Variants in PIM3 observed in about 807,000 individuals in gnomAD.
PIM3 encodes Pim-3 proto-oncogene, serine/threonine kinase.
A neutral mutation model predicts 27.5 loss-of-function variants in PIM3; 13 were observed. The ratio of observed to expected loss-of-function variants is 0.47; its 90% CI spans 0.31 to 0.75. The LOEUF (loss-of-function observed/expected upper bound fraction) is 0.75. PIM3 is among the 30% of genes least tolerant of loss of function. The pLI is 0.05. For synonymous variants in PIM3, 341 were observed against 221.1 expected (o/e 1.54, Z -4.81); for missense variants, 482 against 476.9 (o/e 1.01, Z -0.10).
At chr22:49,962,632 C>A in intron 4 of PIM3, 57 bp from the exon 5 acceptor site, 3 of 1,538,430 alleles carry the variant, frequency 2.0e-6, no homozygotes, top group Non-Finnish European at 2.6e-6. Flanking sequence ...GGGACCTCGC[C>A]GTCTGTTGAG....
rs1456591589 is a variant in PIM3 at position 49,960,805 on chromosome 22, G to A, written c.-143G>A. 2.7e-6 allele frequency: 1 copy of A among 367,474 alleles called. No homozygotes were observed. 22.8% of individuals were successfully genotyped at this position (367,474 alleles called of 1,614,324 possible). A position where few individuals can be genotyped will look rare whatever the true frequency, so the allele number is the denominator to read the frequency against. On this transcript the variant is annotated 5_prime_UTR_variant, in exon 1 of 6. Coordinates refer to ENST00000360612, the MANE Select transcript of PIM3 (RefSeq NM_001001852.4). ...CGCTCCGCCTGCTGCGCGTCTACGC[G>A]GTCCCCGCGGGCCTTCCGGGCCCAC...
chr22:49,962,303 G>T (rs1174087346), intron 4 of PIM3, among the ~76,000 whole-genome samples: 1 of 151,616 alleles, frequency 6.6e-6, no homozygotes, highest in Non-Finnish European at 1.5e-5. Context: ...CGGAGCTTGG[G>T]GAAGCCGGGG....
chr22:49,964,051 A>G lies in PIM3; in HGVS notation c.*924A>G, dbSNP rs576697812. The G allele has an allele frequency of 6.6e-6, 1 of 152,450 alleles. No homozygotes were observed. Among genetic ancestry groups the G allele is most frequent in the East Asian group, 1.9e-4 (1 of 5,320 alleles). 9.4% of individuals were successfully genotyped at this position (152,450 alleles called of 1,614,324 possible). A position where few individuals can be genotyped will look rare whatever the true frequency, so the allele number is the denominator to read the frequency against. On this transcript the variant is annotated 3_prime_UTR_variant, in exon 6 of 6. Coordinates refer to ENST00000360612, the MANE Select transcript of PIM3 (RefSeq NM_001001852.4). ...TCATATTTTTTTATACAGGTATTTC[A>G]ATTAAAATGTTTTTGTACATAGTGG...
chr22:49,961,625 G>C lies in PIM3; in HGVS notation c.430G>C (p.Glu144Gln). Residue 144 changes from glutamate to glutamine, a missense_variant, in exon 4 of 6, where the codon GAG (glutamate) becomes CAG (glutamine). Glu to Gln is a conservative substitution (Grantham distance 29). Transcript: ENST00000360612. ...TATCACGGAGCGCGGCGCCCTGGAC[G>C]AGCCGCTGGCGCGCCGCTTCTTCGC... Reference protein sequence around the residue: ...DFITERGALDEPLARRFFAQV... With the variant: ...DFITERGALDQPLARRFFAQV... The C allele has an allele frequency of 6.4e-7, 1 of 1,555,272 alleles. No individual in the cohort carries two copies. The highest frequency in any genetic ancestry group is 8.7e-7 in the Non-Finnish European group (1 of 1,150,484).
chr22:49,961,377 G>A lies in PIM3; in HGVS notation c.246+9G>A, dbSNP rs774277500. The A allele has an allele frequency of 4.7e-6, 7 of 1,483,498 alleles. No homozygotes were observed. Among genetic ancestry groups the A allele is most frequent in the Non-Finnish European group, 5.3e-6 (6 of 1,123,282 alleles). 91.9% of individuals were successfully genotyped at this position (1,483,498 alleles called of 1,614,324 possible). A position where few individuals can be genotyped will look rare whatever the true frequency, so the allele number is the denominator to read the frequency against. On this transcript the variant is annotated intron_variant, in intron 3 of 5. Coordinates refer to ENST00000360612, the MANE Select transcript of PIM3 (RefSeq NM_001001852.4). ...CCGAGTGGGGCAGCCTGGTAAGTTG[G>A]GGCACGGGCGGCGGCGGCGGCGGGG... is the stretch of plus-strand genomic sequence containing the variant.
At position 49,961,611 on chromosome 22, in the gene PIM3, G is replaced by A. The variant is rs974801318; in HGVS notation, c.416G>A (p.Arg139His). ...GACCTCTTCGACTTTATCACGGAGC[G>A]CGGCGCCCTGGACGAGCCGCTGGCG... ...AQDLFDFITE[R>H]GALDEPLARR... The change falls in exon 4 of 6, where the codon CGC (arginine) becomes CAC (histidine). Residue 139 changes from arginine (R) to histidine (H), a missense_variant. Physicochemically the swap from Arg to His is conservative, Grantham distance 29 (BLOSUM62 0). Transcript: ENST00000360612. 6.5e-7 allele frequency: 1 copy of A among 1,550,328 alleles called. No individual in the cohort carries two copies. Among genetic ancestry groups the A allele is most frequent in the Non-Finnish European group, 8.7e-7 (1 of 1,147,884 alleles).
intron 2 of PIM3, 40 bp downstream of exon 2, chr22:49,961,274 C>A (rs1182863341): frequency 6.5e-7 from 1 of 1,540,120 alleles, no homozygotes; most frequent in South Asian, 1.2e-5. Flanking sequence ...TTCTCGCGCG[C>A]CTTGCGCCTC....
intron 4 of PIM3, 46 bp from the exon 5 acceptor site, chr22:49,962,643 C>CG: frequency 6.4e-7 from 1 of 1,559,972 alleles, no homozygotes; most frequent in Non-Finnish European, 8.7e-7. Context: ...GTCTGTTGAG[C>CG]GGCTCTGCCT....
Position 49,961,046 on chromosome 22 carries a change from C to G in PIM3, c.85+14C>G, listed in dbSNP as rs112522237. The G allele has an allele frequency of 7.4e-7, 1 of 1,348,668 alleles. No individual in the cohort carries two copies. Among genetic ancestry groups the G allele is most frequent in the Non-Finnish European group, 9.6e-7 (1 of 1,040,568 alleles). The allele number at this position is 1,348,668 out of a possible 1,614,324, so 83.5% of individuals were successfully genotyped here. A position where few individuals can be genotyped will look rare whatever the true frequency, so the allele number is the denominator to read the frequency against. ...TCCTGCAGCCAGGTACGCGCGGGGC[C>G]GGCGGGGCCGGGGCCGGGGCCAGGG... On this transcript the variant is annotated intron_variant, in intron 1 of 5. Transcript: ENST00000360612.
chr22:49,960,928 C>CG lies in PIM3; in HGVS notation c.-16dup. 7.7e-7 allele frequency: 1 copy of CG among 1,293,226 alleles called. No homozygotes were observed. Among genetic ancestry groups the CG allele is most frequent in the Non-Finnish European group, 9.9e-7 (1 of 1,011,624 alleles). 80.1% of individuals were successfully genotyped at this position (1,293,226 alleles called of 1,614,324 possible). A position where few individuals can be genotyped will look rare whatever the true frequency, so the allele number is the denominator to read the frequency against. ...CTTCGGCGCCTGGGGCTCGGGGCTC[C>CG]GGGGAGGCCGTCGCCCGCGATGCTG... On this transcript the variant is annotated 5_prime_UTR_variant, in exon 1 of 6. Transcript: ENST00000360612.
Position 49,961,581 on chromosome 22 carries a change from C to A in PIM3, c.386C>A (p.Ala129Glu). Residue 129 changes from alanine to glutamate, a missense_variant, in exon 4 of 6, where the codon GCG becomes GAG. Transcript: ENST00000360612. Reference protein sequence around the residue: ...FLLVLERPEPAQDLFDFITER... With the variant: ...FLLVLERPEPEQDLFDFITER... ...CTGGTGCTGGAGCGGCCCGAGCCGG[C>A]GCAGGACCTCTTCGACTTTATCACG... is the stretch of plus-strand genomic sequence containing the variant. The A allele has an allele frequency of 6.5e-7, 1 of 1,547,550 alleles. No individual in the cohort carries two copies. The highest frequency in any genetic ancestry group is 8.7e-7 in the Non-Finnish European group (1 of 1,146,754).
In PIM3 at chr22:49,960,872, C is replaced by T; in HGVS notation, c.-76C>T. ...CCTCGGGCTCGGACGGCCGGTGTCC[C>T]CGGCGCGCCGCTCGCCCGGATCGGC... is the stretch of plus-strand genomic sequence containing the variant. On this transcript the variant is annotated 5_prime_UTR_variant, in exon 1 of 6. Transcript: ENST00000360612. The T allele has an allele frequency of 1.8e-6, 2 of 1,095,988 alleles. No homozygotes were observed. Among genetic ancestry groups the T allele is most frequent in the Non-Finnish European group, 2.2e-6 (2 of 897,228 alleles). 67.9% of individuals were successfully genotyped at this position (1,095,988 alleles called of 1,614,324 possible).
At position 49,960,902 on chromosome 22, in the gene PIM3, G is replaced by A. The variant is rs2060902266; in HGVS notation, c.-46G>A. Reference sequence around the variant, plus strand: ...GCGCCGCTCGCCCGGATCGGCCGCGGCTTCGGCGCCTGGGGCTCGGGGCTC... The same window carrying A: ...GCGCCGCTCGCCCGGATCGGCCGCGACTTCGGCGCCTGGGGCTCGGGGCTC... On this transcript the variant is annotated 5_prime_UTR_variant, in exon 1 of 6. Coordinates refer to ENST00000360612, the MANE Select transcript of PIM3 (RefSeq NM_001001852.4). 2 of 1,197,066 alleles carry A rather than the reference G, an allele frequency of 1.7e-6. No individual in the cohort carries two copies. The highest frequency in any genetic ancestry group is 4.4e-5 in the East Asian group (1 of 22,706). 74.2% of individuals were successfully genotyped at this position (1,197,066 alleles called of 1,614,324 possible). A position where few individuals can be genotyped will look rare whatever the true frequency, so the allele number is the denominator to read the frequency against.
intron 4 of PIM3, among the ~76,000 whole-genome samples, chr22:49,962,434 ATC>A (rs1427787718): frequency 6.9e-6 from 1 of 144,746 alleles, no homozygotes; most frequent in Non-Finnish European, 1.5e-5. Flanking sequence ...CTCACAGCGC[ATC>A]TGTTTGTTGT....
At chr22:49,961,056 G>C in intron 1 of PIM3, 24 bp downstream of exon 1, 1 of 1,337,022 alleles carries the variant, frequency 7.5e-7, no homozygotes, top group South Asian at 1.8e-5. Context: ...CGGCGGGGCC[G>C]GGGCCGGGGC....
intron 4 of PIM3, among the ~76,000 whole-genome samples, 165 bp from the exon 5 acceptor site, chr22:49,962,524 C>A (rs1024415197): frequency 6.6e-6 from 1 of 151,982 alleles, no homozygotes; most frequent in African/African-American, 2.4e-5. Context: ...CTCCCCCAGC[C>A]CCCCCATCGC....
Position 49,961,822 on chromosome 22 carries a change from G to GC in PIM3, c.616+12dup. 1.2e-6 allele frequency: 2 copies of GC among 1,611,268 alleles called. No homozygotes were observed. Among genetic ancestry groups the GC allele is most frequent in the African/African-American group, 1.3e-5 (1 of 74,958 alleles). On this transcript the variant is annotated intron_variant, in intron 4 of 5. Transcript: ENST00000360612. ...ACACCGACTTCGACGGTGAGCGCGG[G>GC]CGCGGGGCAGGGAACGTTCCGGGGG...
At position 49,963,079 on chromosome 22, in the gene PIM3, C is replaced by T. The variant is rs762038617; in HGVS notation, c.933C>T (p.Leu311=). Residue 311 remains leucine, a synonymous_variant, in exon 6 of 6, where the codon CTC becomes CTT. Transcript: ENST00000360612. ...PESCDLRLCT[L]DPDDVASTTS... Reference sequence around the variant, plus strand: ...GCTGTGACCTGCGGCTGTGCACCCTCGACCCTGATGACGTGGCCAGCACCA... The same window carrying T: ...GCTGTGACCTGCGGCTGTGCACCCTTGACCCTGATGACGTGGCCAGCACCA... 4.0e-5 allele frequency: 64 copies of T among 1,611,154 alleles called. No homozygotes were observed. The highest frequency in any genetic ancestry group is 5.0e-5 in the Admixed American group (3 of 59,838).
At chr22:49,962,889 G>T (rs749933111) in intron 5 of PIM3, 24 bp downstream of exon 5, 5 of 1,601,636 alleles carry the variant, frequency 3.1e-6, no homozygotes, top group South Asian at 1.1e-5. Flanking sequence ...CGAGGCGGGG[G>T]TGGGGGCCTC....
Sources: allele counts gnomAD v4.1 joint callset (sites outside exome capture counted in the v4.1 genomes callset), GRCh38; gene constraint gnomAD v4.1.1; transcripts MANE v1.5; gene names NCBI Gene and HGNC (gene_info 2026-07-23, HGNC 2026-07-21).